NFXL1: variants seen among roughly 807,000 people sequenced by gnomAD.
NFXL1 encodes NF-X1-type zinc finger protein NFXL1.
In NFXL1, 66 loss-of-function variants were observed where a neutral mutation model predicts 123.3. The observed-to-expected ratio is 0.54, with a 90% CI of 0.44 to 0.66. The LOEUF is 0.66. NFXL1 is among the 30% of genes least tolerant of loss of function. The pLI is 0.00. For synonymous variants in NFXL1, 346 were observed against 360.8 expected (o/e 0.96, Z 0.46); for missense variants, 944 against 1,125.6 (o/e 0.84, Z 2.31).
chr4:47,872,506 A>G (rs892235627), intron 18 of NFXL1, among the ~76,000 whole-genome samples: 1 of 152,004 alleles, frequency 6.6e-6, no homozygotes, highest in Non-Finnish European at 1.5e-5. Flanking sequence ...TAAGTCAACT[A>G]CTGGCATAGC....
At chr4:47,877,630 G>A (rs1449557432) in intron 17 of NFXL1, among the ~76,000 whole-genome samples, 1 of 151,892 alleles carries the variant, frequency 6.6e-6, no homozygotes, top group East Asian at 1.9e-4. Context: ...ACATTTTTGA[G>A]GGTCAAGGCA....
intron 16 of NFXL1, 167 bp from the exon 17 acceptor site, chr4:47,878,832 CA>C (rs1352575030): frequency 3.8e-6 from 2 of 533,248 alleles, no homozygotes; most frequent in Non-Finnish European, 6.2e-6. Context: ...CAAAATATTT[CA>C]AAGTAATGAA....
At chr4:47,859,838 T>A (rs1734628749) in intron 19 of NFXL1, among the ~76,000 whole-genome samples, 1 of 59,438 alleles carries the variant, frequency 1.7e-5, no homozygotes. Flanking sequence ...TGAGACTCCA[T>A]CTCAAAAAAA....
chr4:47,913,877 G>T, intron 2 of NFXL1, 92 bp downstream of exon 2: 1 of 830,856 alleles, frequency 1.2e-6, no homozygotes, highest in South Asian at 2.1e-5. Flanking sequence ...GGGAAAAGCA[G>T]TGAAAGAAAG....
At chr4:47,905,955 C>T (rs1737550869) in intron 3 of NFXL1, among the ~76,000 whole-genome samples, 1 of 152,092 alleles carries the variant, frequency 6.6e-6, no homozygotes. Flanking sequence ...TTATTGAGTG[C>T]TTATTTGCTA....
At chr4:47,889,283 T>C (rs1736629183) in intron 12 of NFXL1, among the ~76,000 whole-genome samples, 1 of 152,170 alleles carries the variant, frequency 6.6e-6, no homozygotes, top group Non-Finnish European at 1.5e-5. Flanking sequence ...ATGTAATGAC[T>C]ATAAAAGAAA....
intron 13 of NFXL1, 73 bp from the exon 14 acceptor site, chr4:47,885,730 AT>A: frequency 7.1e-7 from 1 of 1,409,666 alleles, no homozygotes; most frequent in Non-Finnish European, 9.9e-7. Flanking sequence ...ACAATTATCT[AT>A]TTACATATCT....
chr4:47,848,069 T>C lies in NFXL1; in HGVS notation c.*94A>G. 1 of 736,814 alleles carries C rather than the reference T, an allele frequency of 1.4e-6. No homozygotes were observed. Among genetic ancestry groups the C allele is most frequent in the Non-Finnish European group, 2.1e-6 (1 of 465,224 alleles). 45.6% of individuals were successfully genotyped at this position (736,814 alleles called of 1,614,324 possible). A position where few individuals can be genotyped will look rare whatever the true frequency, so the allele number is the denominator to read the frequency against. On this transcript the variant is annotated 3_prime_UTR_variant, in exon 23 of 23. Transcript: ENST00000507489. ...GAGAATACAGAGATGAATGTAAATATATATCATGTTCTATAATATACATTT... is the reference window on the plus strand; with the variant it reads ...GAGAATACAGAGATGAATGTAAATACATATCATGTTCTATAATATACATTT...
intron 21 of NFXL1, 106 bp from the exon 22 acceptor site, chr4:47,851,254 G>A (rs910058701): frequency 3.9e-5 from 29 of 752,126 alleles, no homozygotes; most frequent in Admixed American, 2.8e-4. Context: ...CAACTTTTAG[G>A]AGCTTGAAAT....
At chr4:47,910,700 C>A in intron 3 of NFXL1, 124 bp downstream of exon 3, 1 of 501,960 alleles carries the variant, frequency 2.0e-6, no homozygotes. Context: ...AAATTCAACT[C>A]TATAACATAC....
chr4:47,870,057 A>T (rs1184877959), intron 18 of NFXL1, among the ~76,000 whole-genome samples: 2 of 152,166 alleles, frequency 1.3e-5, no homozygotes, highest in East Asian at 3.8e-4. Flanking sequence ...AAGTTATCAA[A>T]AACAACACAC....
chr4:47,865,160 G>T (rs1310927452), intron 18 of NFXL1, among the ~76,000 whole-genome samples: 1 of 152,178 alleles, frequency 6.6e-6, no homozygotes, highest in African/African-American at 2.4e-5. Flanking sequence ...GTTGATTGTT[G>T]TGTTTTAAGA....
intron 19 of NFXL1, among the ~76,000 whole-genome samples, chr4:47,857,581 G>A (rs888378553): frequency 3.3e-5 from 5 of 152,058 alleles, no homozygotes; most frequent in African/African-American, 1.2e-4. Context: ...CTTTTCTCTG[G>A]CTAGGTCTTC....
intron 20 of NFXL1, among the ~76,000 whole-genome samples, chr4:47,854,841 A>C (rs1332663929): frequency 6.6e-6 from 1 of 151,934 alleles, no homozygotes; most frequent in African/African-American, 2.4e-5. Flanking sequence ...CAGAAAATTA[A>C]ATCGCCAAAG....
At chr4:47,865,481 T>C (rs1292429997) in intron 18 of NFXL1, among the ~76,000 whole-genome samples, 1 of 43,222 alleles carries the variant, frequency 2.3e-5, no homozygotes, top group Non-Finnish European at 4.2e-5. Flanking sequence ...AAATTACCTA[T>C]AACTAGGAAA....
At chr4:47,878,084 T>C (rs1458625958) in intron 17 of NFXL1, among the ~76,000 whole-genome samples, 1 of 152,010 alleles carries the variant, frequency 6.6e-6, no homozygotes, top group Non-Finnish European at 1.5e-5. Flanking sequence ...TAACAAAAGA[T>C]TGGGAATTTA....
At position 47,899,138 on chromosome 4, in the gene NFXL1, C is replaced by CAAAA. The variant is rs3057881; in HGVS notation, c.827-22_827-19dup. On this transcript the variant is annotated intron_variant, in intron 6 of 22. Coordinates refer to ENST00000507489, the MANE Select transcript of NFXL1 (RefSeq NM_001278624.2). ...GCAGGGACCTAGAATTCAGTAAAAGCAAAAAAAAAAAAAAAAAAAAAATCT... is the reference window on the plus strand; with the variant it reads ...GCAGGGACCTAGAATTCAGTAAAAGCAAAAAAAAAAAAAAAAAAAAAAAAAATCT... The CAAAA allele has an allele frequency of 3.8e-5, 46 of 1,212,166 alleles. No individual in the cohort carries two copies. Among genetic ancestry groups the CAAAA allele is most frequent in the African/African-American group, 9.4e-5 (5 of 53,406 alleles). 75.1% of individuals were successfully genotyped at this position (1,212,166 alleles called of 1,614,324 possible).
At chr4:47,894,328 A>G in intron 10 of NFXL1, 26 bp from the exon 11 acceptor site, 1 of 1,533,088 alleles carries the variant, frequency 6.5e-7, no homozygotes, top group Non-Finnish European at 8.8e-7. Context: ...AAATGCTATT[A>G]AAATTGATTT....
intron 15 of NFXL1, among the ~76,000 whole-genome samples, chr4:47,883,874 T>C (rs1243435887): frequency 5.3e-5 from 8 of 152,210 alleles, no homozygotes; most frequent in Admixed American, 4.6e-4. Flanking sequence ...TACTGTAGGT[T>C]CAGCTCCTTA....
Sources: allele counts gnomAD v4.1 joint callset (sites outside exome capture counted in the v4.1 genomes callset), GRCh38; gene constraint gnomAD v4.1.1; transcripts MANE v1.5; gene names NCBI Gene and HGNC (gene_info 2026-07-23, HGNC 2026-07-21).